SNX18: variants seen among roughly 807,000 people sequenced by gnomAD.
SNX18 encodes the protein sorting nexin 18.
In SNX18, 35 loss-of-function variants were observed where a neutral mutation model predicts 48.7. The ratio of observed to expected loss-of-function variants is 0.72; its 90% CI spans 0.55 to 0.95. SNX18 has a LOEUF of 0.95. SNX18 is among the 40% of genes least tolerant of loss of function. The probability of loss-of-function intolerance (pLI) is 0.00; values close to 1 mark genes in which losing one functional copy is unlikely to be tolerated. For missense variants in SNX18, 824 were observed against 871.0 expected (o/e 0.95, Z 0.68); for synonymous variants, 492 against 384.7 (o/e 1.28, Z -3.26).
the SNX18 span, among the ~76,000 whole-genome samples, chr5:54,573,205 T>G: frequency 0.091 from 13,902 of 152,146 alleles, 859 homozygotes; most frequent in East Asian, 0.24. Context: ...AGAGCACATC[T>G]TCCCATATAT....
the SNX18 span, among the ~76,000 whole-genome samples, chr5:54,601,968 T>G: frequency 6.6e-6 from 1 of 152,220 alleles, no homozygotes; most frequent in African/African-American, 2.4e-5. Context: ...TTTTTCATAA[T>G]TCCCTATTCT....
the SNX18 span, among the ~76,000 whole-genome samples, chr5:54,578,559 A>G: frequency 6.6e-6 from 1 of 152,234 alleles, no homozygotes; most frequent in African/African-American, 2.4e-5. Flanking sequence ...ACAGAGGAGC[A>G]GAAGCTGCCT....
intron 1 of SNX18, among the ~76,000 whole-genome samples, chr5:54,540,504 A>G (rs1267685790): frequency 6.6e-6 from 1 of 152,206 alleles, no homozygotes; most frequent in Non-Finnish European, 1.5e-5. Context: ...GGCATAAGCC[A>G]CCGTGGCAAG....
rs1194353277 is a variant in SNX18 at position 54,543,361 on chromosome 5, C to A, written c.1804C>A (p.Gln602Lys). ...ATCACAGATGCAGCATTTCTTACAA[C>A]AACAAATAATATTTTTCCAAAAAGT... ...FKSQMQHFLQQQIIFFQKVTQ... is the reference protein window; with the variant it reads ...FKSQMQHFLQKQIIFFQKVTQ... Residue 602 changes from glutamine to lysine, a missense_variant, in exon 2 of 2, where the codon CAA becomes AAA. Gln to Lys is a moderately conservative substitution (Grantham distance 53). Around this residue, in one of 3 missense-constraint regions of SNX18, gnomAD observed 443 missense variants for 503.6 expected, o/e 0.88. Transcript: ENST00000381410. 2 of 1,614,024 alleles carry A rather than the reference C, an allele frequency of 1.2e-6. No individual in the cohort carries two copies. The highest frequency in any genetic ancestry group is 8.5e-7 in the Non-Finnish European group (1 of 1,180,030).
intron 1 of SNX18, among the ~76,000 whole-genome samples, chr5:54,533,471 G>A (rs565200357): frequency 6.6e-6 from 1 of 152,312 alleles, no homozygotes; most frequent in Admixed American, 6.5e-5. Flanking sequence ...TACTGGTGTA[G>A]TGTGCTGTGC....
At chr5:54,628,345 T>C in the SNX18 span, among the ~76,000 whole-genome samples, 3 of 152,180 alleles carry the variant, frequency 2.0e-5, no homozygotes, top group Admixed American at 2.0e-4. Context: ...CCAAGCCCAC[T>C]GCACTATTCT....
chr5:54,616,958 G>T, the SNX18 span, among the ~76,000 whole-genome samples: 1 of 152,118 alleles, frequency 6.6e-6, no homozygotes, highest in African/African-American at 2.4e-5. Flanking sequence ...TCTCTCCAGG[G>T]CCCCTGCAAT....
the SNX18 span, among the ~76,000 whole-genome samples, chr5:54,641,316 A>G: frequency 6.6e-6 from 1 of 152,234 alleles, no homozygotes; most frequent in East Asian, 1.9e-4. Flanking sequence ...TTATATGTGT[A>G]TGTGTGTGAT....
the SNX18 span, among the ~76,000 whole-genome samples, chr5:54,612,320 G>A: frequency 1.3e-5 from 2 of 151,198 alleles, no homozygotes; most frequent in Non-Finnish European, 2.9e-5. Flanking sequence ...GTACAATGTC[G>A]TGGTCTTGGC....
chr5:54,551,484 GTAAGAT>G, downstream of SNX18, among the ~76,000 whole-genome samples: 1 of 152,128 alleles, frequency 6.6e-6, no homozygotes, highest in South Asian at 2.1e-4. Flanking sequence ...AACTAATTAC[GTAAGAT>G]CCTGGGCTAA....
At chr5:54,547,790 T>G (rs1446815619), downstream of SNX18, among the ~76,000 whole-genome samples, 1 of 152,312 alleles carries the variant, frequency 6.6e-6, no homozygotes, top group African/African-American at 2.4e-5. Flanking sequence ...ACATTCCAGT[T>G]GCCATAACAA....
the SNX18 span, among the ~76,000 whole-genome samples, chr5:54,614,956 C>A: frequency 3.9e-5 from 6 of 152,164 alleles, no homozygotes; most frequent in African/African-American, 1.4e-4. Context: ...TCACATTTTA[C>A]AGATGAGGAC....
At chr5:54,538,584 A>G (rs61653479) in intron 1 of SNX18, among the ~76,000 whole-genome samples, 6,957 of 152,252 alleles carry the variant, frequency 0.046, 580 homozygotes, top group African/African-American at 0.16. Context: ...TTGTGAGATG[A>G]ATTTTTTAAA....
At chr5:54,567,442 G>A in the SNX18 span, among the ~76,000 whole-genome samples, 1 of 152,066 alleles carries the variant, frequency 6.6e-6, no homozygotes, top group African/African-American at 2.4e-5. Context: ...GGATTGTGGG[G>A]GACAAAAGGA....
chr5:54,553,652 G>A, the SNX18 span, among the ~76,000 whole-genome samples: 1 of 152,232 alleles, frequency 6.6e-6, no homozygotes, highest in Admixed American at 6.5e-5. Context: ...CTGCTGTCCC[G>A]AGATGTAACA....
At chr5:54,527,614 A>G (rs1762160854) in intron 1 of SNX18, among the ~76,000 whole-genome samples, 1 of 152,212 alleles carries the variant, frequency 6.6e-6, no homozygotes, top group African/African-American at 2.4e-5. Context: ...CCCCAACACA[A>G]GCACTTTCTA....
downstream of SNX18, among the ~76,000 whole-genome samples, chr5:54,548,289 G>A (rs1241256523): frequency 6.6e-6 from 1 of 152,230 alleles, no homozygotes; most frequent in Non-Finnish European, 1.5e-5. Flanking sequence ...TAAAAACAAG[G>A]TGTGTGGTAT....
the SNX18 span, among the ~76,000 whole-genome samples, chr5:54,559,635 C>G: frequency 2.6e-5 from 4 of 152,108 alleles, no homozygotes; most frequent in Non-Finnish European, 5.9e-5. Context: ...CTAGGCAATA[C>G]CATTCTGGAC....
At chr5:54,573,723 A>G in the SNX18 span, among the ~76,000 whole-genome samples, 1 of 152,186 alleles carries the variant, frequency 6.6e-6, no homozygotes. Flanking sequence ...AAGATTCTGA[A>G]AAGCCACACT....
Sources: gnomAD v4.1 joint callset for allele counts (sites outside exome capture counted in the v4.1 genomes callset) on GRCh38, gnomAD v4.1.1 for gene constraint, gnomAD v4.1.1 regional missense constraint, MANE v1.5 for transcripts, NCBI Gene and HGNC (gene_info 2026-07-23, HGNC 2026-07-21) for gene names.